The following IL4I1 variants were observed in gnomAD, a reference collection of about 807,000 sequenced individuals.
IL4I1 encodes L-amino-acid oxidase.
IL4I1 carries 24 observed loss-of-function variants against 29.7 expected under a neutral mutation model. That is an observed-to-expected ratio of 0.81 (90% confidence interval 0.59 to 1.14). The LOEUF (loss-of-function observed/expected upper bound fraction) is 1.14, where lower values mean the gene tolerates loss of function less well. Among genes scored for constraint, IL4I1 ranks in the 50% most tolerant of loss-of-function variants. IL4I1 has a pLI of 0.00. For missense variants in IL4I1, 686 were observed against 785.6 expected (o/e 0.87, Z 1.52); for synonymous variants, 371 against 352.5 (o/e 1.05, Z -0.59).
intron 2 of IL4I1, among the ~76,000 whole-genome samples, chr19:49,924,794 G>C (rs552764881): frequency 1.3e-5 from 2 of 152,218 alleles, no homozygotes; most frequent in African/African-American, 2.4e-5. Flanking sequence ...CACTCACCCT[G>C]AGTCCAGCTG....
At chr19:49,927,040 T>C (rs2075911767) in intron 2 of IL4I1, among the ~76,000 whole-genome samples, 1 of 152,036 alleles carries the variant, frequency 6.6e-6, no homozygotes, top group Non-Finnish European at 1.5e-5. Context: ...TTTGTATTTT[T>C]GGTAGAGACA....
At chr19:49,909,616 G>T (rs145084636) in intron 2 of IL4I1, 2 of 1,613,390 alleles carry the variant, frequency 1.2e-6, no homozygotes, top group Non-Finnish European at 1.7e-6. Context: ...CCGGAGTCTG[G>T]GTGGCAAGTG....
intron 2 of IL4I1, among the ~76,000 whole-genome samples, chr19:49,914,840 A>C (rs1463902518): frequency 6.9e-6 from 1 of 144,086 alleles, no homozygotes; most frequent in Admixed American, 7.4e-5. Context: ...CCCGGGTTCA[A>C]GCAATTCTCC....
chr19:49,910,093 G>A (rs1395362991), intron 2 of IL4I1, among the ~76,000 whole-genome samples: 4 of 152,092 alleles, frequency 2.6e-5, no homozygotes, highest in South Asian at 2.1e-4. Context: ...TGCTAGGGAC[G>A]TGCGTGGCCA....
In IL4I1 at chr19:49,911,321, G is replaced by T. The variant is rs565218338; in HGVS notation, c.-227-7000C>A. ...AGATGTGAGAAAGCCAGGAGCCAAG[G>T]AAGGCAGAAGCAGCTCTAAAAGCTG... On this transcript the variant is annotated intron_variant, in intron 2 of 9. Transcript: ENST00000341114. 3.2e-3 allele frequency: 482 copies of T among 152,342 alleles called. 2 individuals carry two copies. Among genetic ancestry groups the T allele is most frequent in the Non-Finnish European group, 5.6e-3 (380 of 68,046 alleles). 9.4% of individuals were successfully genotyped at this position (152,342 alleles called of 1,614,324 possible). A position where few individuals can be genotyped will look rare whatever the true frequency, so the allele number is the denominator to read the frequency against.
chr19:49,896,282 TC>T (rs1451305393), intron 1 of IL4I1, 100 bp from the exon 2 acceptor site: 5 of 1,366,620 alleles, frequency 3.7e-6, no homozygotes, highest in Non-Finnish European at 4.9e-6. Context: ...GAGCCGGCCC[TC>T]CCCCAGTCAC....
At chr19:49,895,693 G>A in intron 3 of IL4I1, 122 bp downstream of exon 3, 1 of 757,850 alleles carries the variant, frequency 1.3e-6, no homozygotes, top group Non-Finnish European at 2.1e-6. Flanking sequence ...GGGAAAGATA[G>A]CCTCTCCCCC....
At chr19:49,900,798 G>T (rs2075264368), upstream of IL4I1, among the ~76,000 whole-genome samples, 1 of 152,204 alleles carries the variant, frequency 6.6e-6, no homozygotes, top group East Asian at 1.9e-4. Context: ...TTTTTTGATG[G>T]AGTTTCTGGA....
At position 49,908,678 on chromosome 19, in the gene IL4I1, C is replaced by T. The variant is rs143977055; in HGVS notation, c.-227-4357G>A. 3.5e-5 allele frequency: 56 copies of T among 1,612,148 alleles called. 1 individual carries two copies. Among genetic ancestry groups the T allele is most frequent in the South Asian group, 8.8e-5 (8 of 91,084 alleles). On this transcript the variant is annotated intron_variant, in intron 2 of 9. Coordinates refer to the IL4I1 transcript ENST00000341114. Reference sequence around the variant, plus strand: ...GTCCAGCTTCACCTTCTCCACCTCGCGGTGCAGGCTGGTGATCTTTTCTCC... The same window carrying T: ...GTCCAGCTTCACCTTCTCCACCTCGTGGTGCAGGCTGGTGATCTTTTCTCC...
At chr19:49,909,473 C>G (rs899239537) in intron 2 of IL4I1, 2 of 1,614,138 alleles carry the variant, frequency 1.2e-6, no homozygotes, top group Non-Finnish European at 8.5e-7. Flanking sequence ...CCCAAAGCCG[C>G]TGGGGTTTGC....
intron 2 of IL4I1, among the ~76,000 whole-genome samples, chr19:49,916,981 C>A (rs2075641094): frequency 6.6e-6 from 1 of 152,236 alleles, no homozygotes. Flanking sequence ...CGGCTGACAG[C>A]CACCTGGTGG....
At chr19:49,902,832 AAAG>A (rs1356373712) in intron 3 of IL4I1, among the ~76,000 whole-genome samples, 2 of 151,482 alleles carry the variant, frequency 1.3e-5, no homozygotes, top group African/African-American at 4.8e-5. Flanking sequence ...CTCAAAAAAA[AAAG>A]GCCAGGTGTG....
rs753716642 is a variant in IL4I1 at position 49,896,168 on chromosome 19, G to T, written c.-8C>A. The T allele has an allele frequency of 2.0e-6, 3 of 1,520,072 alleles. No individual in the cohort carries two copies. Among genetic ancestry groups the T allele is most frequent in the South Asian group, 1.3e-5 (1 of 78,216 alleles). 94.2% of individuals were successfully genotyped at this position (1,520,072 alleles called of 1,614,324 possible). ...CTCACCCAATGGGGCCATGACTCTC[G>T]GTGGGAGATGGTGTCTGGGGTGGAG... is the stretch of plus-strand genomic sequence containing the variant. On this transcript the variant is annotated 5_prime_UTR_variant, in exon 2 of 8. Transcript: ENST00000391826.
chr19:49,895,799 A>T lies in IL4I1; in HGVS notation c.252+16T>A. ...GCAGGAGGGACTCCAGGTAGACTGC[A>T]AGCAGTGCTTCCCACCTTGTGTCCA... On this transcript the variant is annotated intron_variant, in intron 3 of 7. Transcript: ENST00000391826. The T allele has an allele frequency of 6.2e-7, 1 of 1,600,318 alleles. No individual in the cohort carries two copies. The highest frequency in any genetic ancestry group is 8.5e-7 in the Non-Finnish European group (1 of 1,172,110).
Position 49,889,799 on chromosome 19 carries a change from C to CT in IL4I1, c.1574dup (p.Gln527AlafsTer14). ...CCACCCCATGCACATGCCCCTGCCC[C>CT]TCCATGTCAGATGCGTGCCCCTCGG... On this transcript the variant is annotated frameshift_variant, in exon 8 of 8. Transcript: ENST00000391826. LOFTEE classifies it low-confidence loss of function (END_TRUNC). 1 of 1,544,022 alleles carries CT rather than the reference C, an allele frequency of 6.5e-7. No homozygotes were observed. The highest frequency in any genetic ancestry group is 8.7e-7 in the Non-Finnish European group (1 of 1,145,136).
In IL4I1 at chr19:49,890,020, C is replaced by G. The variant is rs2075108566; in HGVS notation, c.1354G>C (p.Gly452Arg). The G allele has an allele frequency of 6.4e-7, 1 of 1,552,620 alleles. No individual in the cohort carries two copies. The highest frequency in any genetic ancestry group is 8.7e-7 in the Non-Finnish European group (1 of 1,148,224). Residue 452 changes from glycine to arginine, a missense_variant, in exon 8 of 8, where the codon GGT becomes CGT. Physicochemically the swap from Gly to Arg is moderately radical, Grantham distance 125 (BLOSUM62 -2). Coordinates refer to ENST00000391826, the MANE Select transcript of IL4I1 (RefSeq NM_152899.2). ...GCCGGCGGCTGTACCACAAAGCCAC[C>G]CTGGCTGTGCTGGTCCTCCGCCCAA... ...KRWAEDQHSQ[G>R]GFVVQPPALW...
chr19:49,894,263 C>T lies in IL4I1; in HGVS notation c.567+5G>A. ...GGGCGGGAGGAGGGTGCAGGCGGTA[C>T]CCACCTGGTTGAGAGCCATCTGGTA... On this transcript the variant is annotated splice_donor_5th_base_variant and intron_variant, in intron 5 of 7. Coordinates refer to ENST00000391826, the MANE Select transcript of IL4I1 (RefSeq NM_152899.2). 6.2e-7 allele frequency: 1 copy of T among 1,612,336 alleles called. No individual in the cohort carries two copies. The highest frequency in any genetic ancestry group is 8.5e-7 in the Non-Finnish European group (1 of 1,179,104).
At chr19:49,913,363 G>A (rs2122645940) in intron 2 of IL4I1, among the ~76,000 whole-genome samples, 1 of 152,322 alleles carries the variant, frequency 6.6e-6, no homozygotes, top group South Asian at 2.1e-4. Context: ...CCAGATAAGA[G>A]CGCCTTTGTT....
chr19:49,894,342 T>C lies in IL4I1; in HGVS notation c.493A>G (p.Lys165Glu). Residue 165 changes from lysine to glutamate, a missense_variant, in exon 5 of 8, where the codon AAG becomes GAG. Physicochemically the swap from Lys to Glu is moderately conservative, Grantham distance 56. Transcript: ENST00000391826. ...RNYVVEKVPE[K>E]LGYALRPQEK... ...TGGGGACGCAAGGCGTAGCCCAGCT[T>C]CTCGGGCACCTTCTCCACCACATAG... 6.2e-7 allele frequency: 1 copy of C among 1,614,212 alleles called. No individual in the cohort carries two copies. The highest frequency in any genetic ancestry group is 8.5e-7 in the Non-Finnish European group (1 of 1,180,048).
Sources: allele counts gnomAD v4.1 joint callset (sites outside exome capture counted in the v4.1 genomes callset), GRCh38; gene constraint gnomAD v4.1.1; transcripts MANE v1.5; gene names NCBI Gene and HGNC (gene_info 2026-07-23, HGNC 2026-07-21).